Variants in HSPA12A observed in about 807,000 individuals in gnomAD.
HSPA12A encodes the protein heat shock protein family A (Hsp70) member 12A.
HSPA12A carries 28 observed loss-of-function variants against 69.2 expected under a neutral mutation model. That is an observed-to-expected ratio of 0.40 (90% CI 0.30 to 0.55). The LOEUF (loss-of-function observed/expected upper bound fraction) is 0.55. Ranked by LOEUF, HSPA12A falls within the 20% of genes least tolerant of loss-of-function variation. The pLI, the probability that HSPA12A is intolerant of heterozygous loss-of-function variation, is 0.38. For synonymous variants in HSPA12A, 345 were observed against 370.5 expected (o/e 0.93, Z 0.79); for missense variants, 686 against 900.7 (o/e 0.76, Z 3.05).
intron 1 of HSPA12A, among the ~76,000 whole-genome samples, chr10:116,739,281 T>C (rs1305050455): frequency 6.6e-6 from 1 of 152,188 alleles, no homozygotes; most frequent in Non-Finnish European, 1.5e-5. Context: ...TCACAGGGCG[T>C]CCTTCATAGT....
Position 116,707,365 on chromosome 10 carries a change from A to T in HSPA12A, c.41-80T>A, listed in dbSNP as rs563838544. ...GAAGAAATGAGGGCTGCATGGCCTT[A>T]ACTCCTCCAGGAACTGCGGCCTCTG... is the stretch of plus-strand genomic sequence containing the variant. On this transcript the variant is annotated intron_variant, in intron 1 of 11. Transcript: ENST00000369209. The T allele has an allele frequency of 1.6e-5, 18 of 1,115,772 alleles. No homozygotes were observed. In the South Asian group the frequency reaches 1.7e-4, roughly 11 times the overall value. The allele number at this position is 1,115,772 out of a possible 1,614,324, so 69.1% of individuals were successfully genotyped here. A position where few individuals can be genotyped will look rare whatever the true frequency, so the allele number is the denominator to read the frequency against.
chr10:116,732,134 C>T (rs1420378244), intron 1 of HSPA12A, among the ~76,000 whole-genome samples: 5 of 151,940 alleles, frequency 3.3e-5, no homozygotes, highest in African/African-American at 1.2e-4. Context: ...AGTTCGAGAC[C>T]AGCCTGGCCA....
intron 2 of HSPA12A, among the ~76,000 whole-genome samples, chr10:116,794,723 G>A (rs1480519377): frequency 1.3e-5 from 2 of 152,112 alleles, no homozygotes; most frequent in Non-Finnish European, 2.9e-5. Context: ...TGAGGCAGGA[G>A]AATTGCTTGA....
Position 116,723,787 on chromosome 10 carries a change from C to T in HSPA12A, c.41-16502G>A, listed in dbSNP as rs1225683651. ...TGCTCCTGCAGTCAGCCTCTCCACC[C>T]GTTCCTTAGATCCCGGCTGCTTCCA... On this transcript the variant is annotated intron_variant, in intron 1 of 11. Transcript: ENST00000369209. This position sits in a 1 kb window ranked among gnomAD's most constrained non-coding sequence, Gnocchi z 4.1. Among the ~76,000 whole-genome samples the T allele has an allele frequency of 1.3e-5, 2 of 152,180 alleles. No homozygotes were observed. The highest frequency in any genetic ancestry group is 2.4e-5 in the African/African-American group (1 of 41,432).
intron 2 of HSPA12A, among the ~76,000 whole-genome samples, chr10:116,816,570 A>C (rs1845309021): frequency 6.6e-6 from 1 of 152,202 alleles, no homozygotes; most frequent in African/African-American, 2.4e-5. Context: ...CCTAACCTTA[A>C]GCTGGTGAGA....
At chr10:116,691,222 G>A (rs1374070451) in intron 6 of HSPA12A, among the ~76,000 whole-genome samples, 1 of 152,158 alleles carries the variant, frequency 6.6e-6, no homozygotes, top group Admixed American at 6.5e-5. Flanking sequence ...TGGGGAAGGG[G>A]AGAGAGTGCA....
intron 1 of HSPA12A, among the ~76,000 whole-genome samples, chr10:116,837,111 G>A (rs1845728147): frequency 6.6e-6 from 1 of 152,150 alleles, no homozygotes; most frequent in Non-Finnish European, 1.5e-5. Context: ...ACACACTTAA[G>A]GAGTTTTCAT....
chr10:116,756,103 T>C (rs113312768), intron 2 of HSPA12A, among the ~76,000 whole-genome samples: 3 of 152,204 alleles, frequency 2.0e-5, no homozygotes, highest in African/African-American at 7.2e-5. Flanking sequence ...GATCAAACAG[T>C]TGTGCTAAGG....
At chr10:116,715,797 A>C (rs1001784932) in intron 1 of HSPA12A, among the ~76,000 whole-genome samples, 1 of 152,218 alleles carries the variant, frequency 6.6e-6, no homozygotes, top group Non-Finnish European at 1.5e-5. Flanking sequence ...TTGGCAAATG[A>C]ATGAACAAAC....
chr10:116,809,034 A>G (rs1016462574), intron 2 of HSPA12A, among the ~76,000 whole-genome samples: 1 of 152,018 alleles, frequency 6.6e-6, no homozygotes, highest in Non-Finnish European at 1.5e-5. Context: ...GGGCTGTCCT[A>G]TGGCTCCAGC....
At chr10:116,756,055 A>T (rs563102059) in intron 2 of HSPA12A, among the ~76,000 whole-genome samples, 8 of 152,192 alleles carry the variant, frequency 5.3e-5, no homozygotes, top group Non-Finnish European at 1.0e-4. Flanking sequence ...AACCACTAAA[A>T]GTATGCCTGC....
intron 2 of HSPA12A, chr10:116,831,717 CTTCAAAAGGT>C (rs1845618660): frequency 6.6e-6 from 1 of 152,196 alleles, no homozygotes; most frequent in South Asian, 2.1e-4. Context: ...GTTCACAAGT[CTTCAAAAGGT>C]TTTTGTTTTA....
intron 2 of HSPA12A, among the ~76,000 whole-genome samples, chr10:116,783,090 A>C (rs1458694308): frequency 6.6e-6 from 1 of 152,342 alleles, no homozygotes; most frequent in African/African-American, 2.4e-5. Flanking sequence ...TGTTAAACAG[A>C]TACCAATCAC....
chr10:116,743,118 C>T (rs1851569813), upstream of HSPA12A, among the ~76,000 whole-genome samples: 1 of 146,940 alleles, frequency 6.8e-6, no homozygotes, highest in Non-Finnish European at 1.5e-5. Context: ...GAGCCCGGGG[C>T]ACCGCCTCCA....
At chr10:116,776,951 T>G (rs905377635) in intron 2 of HSPA12A, among the ~76,000 whole-genome samples, 1 of 152,340 alleles carries the variant, frequency 6.6e-6, no homozygotes, top group Middle Eastern at 3.4e-3. Flanking sequence ...CAACCTGGAC[T>G]TGGTTCAAGT....
At chr10:116,819,312 G>A (rs75116572) in intron 2 of HSPA12A, among the ~76,000 whole-genome samples, 1,634 of 152,208 alleles carry the variant, frequency 0.011, 23 homozygotes, top group African/African-American at 0.034. Context: ...CAACAGACAG[G>A]GCAGAACAGA....
intron 3 of HSPA12A, among the ~76,000 whole-genome samples, chr10:116,704,119 C>A (rs1427834532): frequency 5.9e-5 from 9 of 152,116 alleles, no homozygotes; most frequent in African/African-American, 2.2e-4. Context: ...TGGGTATACC[C>A]AAAGGATTAT....
At chr10:116,747,244 G>A (rs740599), upstream of HSPA12A, among the ~76,000 whole-genome samples, 91,802 of 152,056 alleles carry the variant, frequency 0.6, 27,882 homozygotes, top group South Asian at 0.72. Context: ...AAATTCAAGG[G>A]CCAGAGGAAA....
At chr10:116,817,945 C>T (rs1454188746) in intron 2 of HSPA12A, among the ~76,000 whole-genome samples, 1 of 152,202 alleles carries the variant, frequency 6.6e-6, no homozygotes, top group Non-Finnish European at 1.5e-5. Flanking sequence ...AATTAGGCGC[C>T]GATTCCTGTT....
Sources: gnomAD v4.1 joint callset for allele counts (sites outside exome capture counted in the v4.1 genomes callset) on GRCh38, gnomAD v4.1.1 for gene constraint, Gnocchi (gnomAD v3.1) non-coding constraint, MANE v1.5 for transcripts, NCBI Gene and HGNC (gene_info 2026-07-23, HGNC 2026-07-21) for gene names.